GPC1: variants seen among roughly 807,000 people sequenced by gnomAD.
GPC1 encodes glypican 1, also known as glypican-1.
GPC1 carries 26 observed loss-of-function variants against 51.5 expected under a neutral mutation model. That is an observed-to-expected ratio of 0.50 (90% CI 0.37 to 0.70). The LOEUF is 0.70. Ranked by LOEUF, GPC1 falls within the 30% of genes least tolerant of loss-of-function variation. The pLI is 0.00. For missense variants in GPC1, 775 were observed against 800.5 expected (o/e 0.97, Z 0.38); for synonymous variants, 380 against 348.3 (o/e 1.09, Z -1.01).
chr2:240,445,814 A>G (rs1477088803), intron 1 of GPC1, among the ~76,000 whole-genome samples: 2 of 152,152 alleles, frequency 1.3e-5, no homozygotes, highest in Non-Finnish European at 2.9e-5. Flanking sequence ...CCACGTTCGT[A>G]GCAGACAGCT....
At chr2:240,461,969 A>G (rs2074219582) in intron 2 of GPC1, among the ~76,000 whole-genome samples, 1 of 151,134 alleles carries the variant, frequency 6.6e-6, no homozygotes, top group African/African-American at 2.4e-5. Context: ...ACCCGAGAGG[A>G]CCCCCTGCCA....
At chr2:240,442,940 C>T (rs1373722969) in intron 1 of GPC1, among the ~76,000 whole-genome samples, 2 of 152,256 alleles carry the variant, frequency 1.3e-5, no homozygotes, top group East Asian at 3.8e-4. Flanking sequence ...CCACCTGAGG[C>T]GCTCTCTGGG....
Position 240,466,461 on chromosome 2 carries a change from C to T in GPC1, c.*171C>T. On this transcript the variant is annotated 3_prime_UTR_variant, in exon 9 of 9. Transcript: ENST00000264039. ...CCAGCCCCAGGCCTGGCCTCGCCTG[C>T]CTTTCTGCCTTTTAATTTTGTATGA... 1 of 581,300 alleles carries T rather than the reference C, an allele frequency of 1.7e-6. No individual in the cohort carries two copies. 36.0% of individuals were successfully genotyped at this position (581,300 alleles called of 1,614,324 possible).
intron 1 of GPC1, among the ~76,000 whole-genome samples, chr2:240,457,256 G>C (rs765228342): frequency 2.0e-5 from 3 of 152,128 alleles, no homozygotes; most frequent in African/African-American, 7.2e-5. Flanking sequence ...CCCCTACCTC[G>C]GCCCTCCCTC....
chr2:240,449,841 C>T (rs143539970), intron 1 of GPC1: 232 of 470,382 alleles, frequency 4.9e-4, no homozygotes, highest in African/African-American at 3.4e-3. Context: ...CACTCAGCGT[C>T]GTCCTCAAGG....
chr2:240,461,663 G>A (rs1574776844), intron 2 of GPC1, among the ~76,000 whole-genome samples: 1 of 152,186 alleles, frequency 6.6e-6, no homozygotes, highest in Non-Finnish European at 1.5e-5. Context: ...GAAGCTGAGA[G>A]AAGACAAGAA....
rs1213175751 is a variant in GPC1, at chr2:240,465,182, C to T, written c.1240C>T (p.Arg414Cys). The change falls in exon 7 of 9, where the codon CGC becomes TGC. Residue 414 changes from arginine (R) to cysteine (C), a missense_variant. Coordinates refer to ENST00000264039, the MANE Select transcript of GPC1 (RefSeq NM_002081.3). ...KMALSTASDD[R>C]CWNGMARGRY... ...GGCCCTGAGCACTGCCAGTGATGACCGCTGCTGGAACGGGATGGCCAGAGG... is the reference window on the plus strand; with the variant it reads ...GGCCCTGAGCACTGCCAGTGATGACTGCTGCTGGAACGGGATGGCCAGAGG... 3.7e-6 allele frequency: 6 copies of T among 1,611,604 alleles called. No homozygotes were observed. The highest frequency in any genetic ancestry group is 1.3e-5 in the African/African-American group (1 of 74,922).
In GPC1 at chr2:240,437,435, G is replaced by A. The variant is rs117000407; in HGVS notation, c.166+1351G>A. ...CAGAACCCGCAGACAGTCCCTTGGC[G>A]GATCTCCCGATGCCCTCCCCACCAG... is the stretch of plus-strand genomic sequence containing the variant. On this transcript the variant is annotated intron_variant, in intron 1 of 8. Transcript: ENST00000264039. Among the ~76,000 whole-genome samples, 441 of 151,966 alleles carry A rather than the reference G, an allele frequency of 2.9e-3. 6 individuals are homozygous for A. In the East Asian group the frequency reaches 0.036, roughly 13 times the overall value.
chr2:240,447,700 C>T (rs549162820), intron 1 of GPC1, among the ~76,000 whole-genome samples: 1 of 152,378 alleles, frequency 6.6e-6, no homozygotes, highest in African/African-American at 2.4e-5. Context: ...CTGTGTGCCC[C>T]TGGCCCTGCC....
chr2:240,453,112 A>G, intron 1 of GPC1: 2 of 268,480 alleles, frequency 7.4e-6, no homozygotes, highest in East Asian at 1.8e-4. Context: ...CGCCACCCCC[A>G]TCTCCACCCG....
chr2:240,449,788 AG>A (rs1420372926), intron 1 of GPC1: 9 of 465,024 alleles, frequency 1.9e-5, no homozygotes, highest in African/African-American at 1.8e-4. Context: ...ACCTCACATA[AG>A]TCGAGTCTTG....
In GPC1 at chr2:240,459,077, G is replaced by A. The variant is rs200321707; in HGVS notation, c.214G>A (p.Glu72Lys). The A allele has an allele frequency of 3.0e-5, 48 of 1,612,740 alleles. No individual in the cohort carries two copies. Among genetic ancestry groups the A allele is most frequent in the African/African-American group, 8.0e-5 (6 of 74,932 alleles). The change falls in exon 2 of 9, where the codon GAG becomes AAG. Residue 72 changes from glutamate to lysine, a missense_variant. Transcript: ENST00000264039. ...CPQGYTCCTS[E>K]MEENLANRSH... ...CCAGGGCTACACCTGCTGCACCAGC[G>A]AGATGGAGGAGAACCTGGCCAACCG...
intron 1 of GPC1, among the ~76,000 whole-genome samples, chr2:240,453,830 CTGCCGCCGG>C (rs950356875): frequency 3.7e-4 from 57 of 152,156 alleles, no homozygotes; most frequent in Admixed American, 6.5e-4. Context: ...GGCGGCGACG[CTGCCGCCGG>C]TGCCGCCGAG....
intron 3 of GPC1, among the ~76,000 whole-genome samples, chr2:240,462,984 T>A (rs111949018): frequency 0.032 from 4,843 of 152,210 alleles, 243 homozygotes; most frequent in African/African-American, 0.11. Flanking sequence ...CTTGGTCCCT[T>A]GCGGGGCACG....
At position 240,436,095 on chromosome 2, in the gene GPC1, G is replaced by C. The variant is rs768916361; in HGVS notation, c.166+11G>C. 4 of 1,277,340 alleles carry C rather than the reference G, an allele frequency of 3.1e-6. No individual in the cohort carries two copies. The highest frequency in any genetic ancestry group is 4.0e-6 in the Non-Finnish European group (4 of 1,011,530). 79.1% of individuals were successfully genotyped at this position (1,277,340 alleles called of 1,614,324 possible). A position where few individuals can be genotyped will look rare whatever the true frequency, so the allele number is the denominator to read the frequency against. ...AGGCGGAGATCTCGGGTGAGTGAGG[G>C]CGCGGCGCCGGGAACCCGGGCCTGG... is the stretch of plus-strand genomic sequence containing the variant. On this transcript the variant is annotated intron_variant, in intron 1 of 8. Coordinates refer to ENST00000264039, the MANE Select transcript of GPC1 (RefSeq NM_002081.3).
At chr2:240,437,893 C>CA (rs1418902775) in intron 1 of GPC1, among the ~76,000 whole-genome samples, 1 of 152,224 alleles carries the variant, frequency 6.6e-6, no homozygotes, top group Non-Finnish European at 1.5e-5. Context: ...GACAGAGTGG[C>CA]AGAGTTTGGC....
intron 4 of GPC1, chr2:240,463,822 C>T (rs183451933): frequency 2.9e-5 from 12 of 410,610 alleles, no homozygotes; most frequent in Middle Eastern, 6.6e-4. Flanking sequence ...CATCGAGGAC[C>T]GGCACTTGTT....
At chr2:240,461,431 C>A (rs963297541) in intron 2 of GPC1, among the ~76,000 whole-genome samples, 6 of 152,206 alleles carry the variant, frequency 3.9e-5, no homozygotes, top group African/African-American at 1.4e-4. Flanking sequence ...ACCTGGAAGT[C>A]CCACTTCCAA....
At position 240,467,372 on chromosome 2, in the gene GPC1, T is replaced by A. The variant is rs890948729; in HGVS notation, c.*1082T>A. ...AAGGGCTTTTCCAAACATGCATCCA[T>A]TTACTGACACTTCCTGTCCTTGTTC... is the stretch of plus-strand genomic sequence containing the variant. On this transcript the variant is annotated 3_prime_UTR_variant, in exon 9 of 9. Transcript: ENST00000264039. The A allele has an allele frequency of 2.0e-5, 3 of 152,262 alleles. No individual in the cohort carries two copies. Among genetic ancestry groups the A allele is most frequent in the Non-Finnish European group, 4.4e-5 (3 of 68,058 alleles). The allele number at this position is 152,262 out of a possible 1,614,324, so 9.4% of individuals were successfully genotyped here. A position where few individuals can be genotyped will look rare whatever the true frequency, so the allele number is the denominator to read the frequency against.
Sources: allele counts gnomAD v4.1 joint callset (sites outside exome capture counted in the v4.1 genomes callset), GRCh38; gene constraint gnomAD v4.1.1; transcripts MANE v1.5; gene names NCBI Gene and HGNC (gene_info 2026-07-23, HGNC 2026-07-21).